AP2S1: variants seen among roughly 807,000 people sequenced by gnomAD.
AP2S1 encodes the protein adaptor related protein complex 2 subunit sigma 1, also known as AP-2 complex subunit sigma.
A neutral mutation model predicts 21.0 loss-of-function variants in AP2S1; 6 were observed. The ratio of observed to expected loss-of-function variants is 0.29; its 90% CI spans 0.16 to 0.56. The LOEUF (loss-of-function observed/expected upper bound fraction) is 0.56, where lower values mean the gene tolerates loss of function less well. Among genes scored for constraint, AP2S1 ranks in the 20% least tolerant of loss-of-function variants. The pLI is 0.92. For synonymous variants in AP2S1, 63 were observed against 74.6 expected (o/e 0.84, Z 0.80); for missense variants, 60 against 186.2 (o/e 0.32, Z 3.95).
At chr19:46,839,710 G>T in intron 2 of AP2S1, 132 bp from the exon 3 acceptor site, 2 of 1,466,360 alleles carry the variant, frequency 1.4e-6, no homozygotes. Context: ...GCCCTGTGCT[G>T]GGGTCACAGC....
chr19:46,850,071 A>G (rs2055710766), intron 1 of AP2S1: 5 of 1,191,082 alleles, frequency 4.2e-6, no homozygotes, highest in Non-Finnish European at 5.3e-6. Flanking sequence ...CCACCCCACA[A>G]GATCTCTCCT....
chr19:46,841,413 T>C (rs1298481223), intron 2 of AP2S1, among the ~76,000 whole-genome samples: 1 of 152,198 alleles, frequency 6.6e-6, no homozygotes, highest in Admixed American at 6.6e-5. Flanking sequence ...CTTCCTGTTT[T>C]AAATTTCGAG....
Position 46,839,461 on chromosome 19 carries a change from G to T in AP2S1, c.267+4C>A, listed in dbSNP as rs776590608. 1 of 730,582 alleles carries T rather than the reference G, an allele frequency of 1.4e-6. No homozygotes were observed. The highest frequency in any genetic ancestry group is 2.1e-5 in the Admixed American group (1 of 48,132). The allele number at this position is 730,582 out of a possible 1,614,324, so 45.3% of individuals were successfully genotyped here. The stretch of plus-strand genomic sequence containing the variant: ...CCCCACCTTACATCCCTCTCCCGCC[G>T]TACCTCCACGAAGTTGTGAATGGCC... On this transcript the variant is annotated splice_donor_region_variant and intron_variant, in intron 3 of 4. Transcript: ENST00000263270.
At position 46,850,778 on chromosome 19, in the gene AP2S1, T is replaced by C; in HGVS notation, c.-12A>G. The C allele has an allele frequency of 6.3e-7, 1 of 1,579,598 alleles. No homozygotes were observed. Among genetic ancestry groups the C allele is most frequent in the Non-Finnish European group, 8.6e-7 (1 of 1,161,720 alleles). On this transcript the variant is annotated 5_prime_UTR_variant, in exon 1 of 5. Transcript: ENST00000263270. ...TCCCCCGTTACCATGGCGACCCCCGTCCAGACCCCAGCGGCCCCGGTCCCG... is the reference window on the plus strand; with the variant it reads ...TCCCCCGTTACCATGGCGACCCCCGCCCAGACCCCAGCGGCCCCGGTCCCG...
chr19:46,850,515 T>C, intron 1 of AP2S1: 2 of 597,188 alleles, frequency 3.3e-6, no homozygotes, highest in Non-Finnish European at 5.5e-6. Context: ...GTTTCCCACC[T>C]GCACAGCCCT....
intron 2 of AP2S1, among the ~76,000 whole-genome samples, chr19:46,843,094 T>C (rs1426951580): frequency 6.6e-6 from 1 of 152,190 alleles, no homozygotes; most frequent in African/African-American, 2.4e-5. Context: ...CATCTGCCCA[T>C]ATCAGATAAT....
chr19:46,843,461 G>A (rs576834405), intron 2 of AP2S1, among the ~76,000 whole-genome samples: 1 of 152,256 alleles, frequency 6.6e-6, no homozygotes, highest in South Asian at 2.1e-4. Flanking sequence ...GTCACTCATG[G>A]CTGTAATCCT....
At chr19:46,841,559 C>T (rs111661229) in intron 2 of AP2S1, among the ~76,000 whole-genome samples, 70 of 152,200 alleles carry the variant, frequency 4.6e-4, no homozygotes, top group African/African-American at 1.6e-3. Context: ...CCCTGCCCTG[C>T]CCCAGCCTGA....
intron 3 of AP2S1, among the ~76,000 whole-genome samples, 179 bp downstream of exon 3, chr19:46,839,286 C>CAAAAAAAAAAAA (rs771792607): frequency 2.5e-4 from 18 of 72,922 alleles, no homozygotes; most frequent in African/African-American, 7.1e-4. Flanking sequence ...GACTCCGTCT[C>CAAAAAAAAAAAA]AAAAAAAAAA....
At chr19:46,849,671 T>C (rs549640905) in intron 1 of AP2S1, among the ~76,000 whole-genome samples, 1 of 152,234 alleles carries the variant, frequency 6.6e-6, no homozygotes, top group African/African-American at 2.4e-5. Context: ...CTCACGCCTC[T>C]GCTGTCCCCT....
chr19:46,850,719 T>A lies in AP2S1; in HGVS notation c.3+45A>T, dbSNP rs548293503. On this transcript the variant is annotated intron_variant, in intron 1 of 4. Transcript: ENST00000263270. ...CGATCCAGCCTCGGCTATTTACGCG[T>A]GGGCCCCCCCTCCGCCAGTCCCCGG... The A allele has an allele frequency of 6.7e-6, 10 of 1,491,634 alleles. No homozygotes were observed. The South Asian group carries it at 1.0e-4, about 15-fold the overall frequency. The allele number at this position is 1,491,634 out of a possible 1,614,324, so 92.4% of individuals were successfully genotyped here.
In AP2S1 at chr19:46,839,266, G is replaced by A. The variant is rs184483447; in HGVS notation, c.267+199C>T. ...TGCACCACTGCACTCCAGCCTGGGC[G>A]ACAGAACAAGACTCCGTCTCAAAAA... On this transcript the variant is annotated intron_variant, in intron 3 of 4. Transcript: ENST00000263270. 1.3e-3 allele frequency among the ~76,000 whole-genome samples: 134 copies of A among 104,278 alleles called. 2 individuals are homozygous for A. In the East Asian group the frequency reaches 0.033, roughly 25 times the overall value. 68.4% of individuals were successfully genotyped at this position (104,278 alleles called of 152,430 possible). A position where few individuals can be genotyped will look rare whatever the true frequency, so the allele number is the denominator to read the frequency against.
intron 1 of AP2S1, among the ~76,000 whole-genome samples, chr19:46,847,021 G>GT (rs2055647765): frequency 6.6e-6 from 1 of 152,110 alleles, no homozygotes; most frequent in African/African-American, 2.4e-5. Context: ...TCGGTGGCTG[G>GT]TAGGTGGTAG....
chr19:46,844,456 G>T (rs1485867562), intron 2 of AP2S1, among the ~76,000 whole-genome samples: 1 of 152,104 alleles, frequency 6.6e-6, no homozygotes, highest in Non-Finnish European at 1.5e-5. Context: ...TTCAGGTCTT[G>T]GCTCCAATGT....
At chr19:46,840,166 G>A (rs1295025193) in intron 2 of AP2S1, among the ~76,000 whole-genome samples, 4 of 151,892 alleles carry the variant, frequency 2.6e-5, no homozygotes, top group African/African-American at 9.7e-5. Context: ...ACTGAAATGC[G>A]ATATACACAG....
intron 2 of AP2S1, among the ~76,000 whole-genome samples, chr19:46,841,496 T>C (rs1362763632): frequency 6.6e-6 from 1 of 152,192 alleles, no homozygotes; most frequent in Non-Finnish European, 1.5e-5. Flanking sequence ...CATTCTCTCA[T>C]CCTGCAGGCT....
At chr19:46,847,476 C>G (rs752526462) in intron 1 of AP2S1, among the ~76,000 whole-genome samples, 4 of 152,156 alleles carry the variant, frequency 2.6e-5, no homozygotes, top group African/African-American at 4.8e-5. Context: ...CCTCATCCCC[C>G]CAAAGTGCTG....
intron 2 of AP2S1, 132 bp from the exon 3 acceptor site, chr19:46,839,710 G>A: frequency 1.4e-6 from 2 of 1,466,362 alleles, no homozygotes; most frequent in Non-Finnish European, 1.8e-6. Flanking sequence ...GCCCTGTGCT[G>A]GGGTCACAGC....
chr19:46,842,633 C>T (rs1414029609), intron 2 of AP2S1, among the ~76,000 whole-genome samples: 1 of 152,118 alleles, frequency 6.6e-6, no homozygotes, highest in African/African-American at 2.4e-5. Context: ...TCACTGACCC[C>T]TCCCGCGCCC....
Sources: allele counts gnomAD v4.1 joint callset (sites outside exome capture counted in the v4.1 genomes callset), GRCh38; gene constraint gnomAD v4.1.1; transcripts MANE v1.5; gene names NCBI Gene and HGNC (gene_info 2026-07-23, HGNC 2026-07-21).